Variants in TNS3 observed in about 807,000 individuals in gnomAD.
TNS3 encodes tensin 3.
TNS3 carries 45 observed loss-of-function variants against 140.9 expected under a neutral mutation model. The ratio of observed to expected loss-of-function variants is 0.32; its 90% CI spans 0.25 to 0.41. The LOEUF is 0.41. TNS3 is among the 10% of genes least tolerant of loss of function. The probability of loss-of-function intolerance (pLI) is 1.00; values close to 1 mark genes in which losing one functional copy is unlikely to be tolerated. For missense variants in TNS3, 1,716 were observed against 1,906.7 expected (o/e 0.90, Z 1.86); for synonymous variants, 815 against 788.4 (o/e 1.03, Z -0.56).
At chr7:47,570,297 C>T (rs114583998) in intron 1 of TNS3, among the ~76,000 whole-genome samples, 1,730 of 152,274 alleles carry the variant, frequency 0.011, 33 homozygotes, top group African/African-American at 0.038. Context: ...GGAAACAAAC[C>T]CCACAACACA....
In TNS3 at chr7:47,529,104, G is replaced by A; in HGVS notation, c.-221C>T. 7.8e-7 allele frequency: 1 copy of A among 1,288,720 alleles called. No homozygotes were observed. Among genetic ancestry groups the A allele is most frequent in the Non-Finnish European group, 1.0e-6 (1 of 988,624 alleles). The allele number at this position is 1,288,720 out of a possible 1,614,324, so 79.8% of individuals were successfully genotyped here. A position where few individuals can be genotyped will look rare whatever the true frequency, so the allele number is the denominator to read the frequency against. On this transcript the variant is annotated 5_prime_UTR_variant, in exon 2 of 31. Coordinates refer to ENST00000311160, the MANE Select transcript of TNS3 (RefSeq NM_022748.12). ...TCCACACACTTTGGATTTTTTAAAGGCCTTGTTCTTAAAAGCGTGCAGACT... is the reference window on the plus strand; with the variant it reads ...TCCACACACTTTGGATTTTTTAAAGACCTTGTTCTTAAAAGCGTGCAGACT...
At chr7:47,580,176 C>CGCA (rs1326348435) in intron 1 of TNS3, among the ~76,000 whole-genome samples, 1 of 152,150 alleles carries the variant, frequency 6.6e-6, no homozygotes, top group Non-Finnish European at 1.5e-5. Flanking sequence ...TCGACAGACG[C>CGCA]GCAGCAGCAG....
intron 2 of TNS3, among the ~76,000 whole-genome samples, chr7:47,526,169 G>C (rs1045509435): frequency 6.6e-6 from 1 of 152,178 alleles, no homozygotes; most frequent in African/African-American, 2.4e-5. Context: ...ACAGAATACT[G>C]AAGTATTAAA....
rs778428948 is a variant in TNS3, at chr7:47,280,358, T to C, written c.4098-4A>G. The C allele has an allele frequency of 3.1e-6, 5 of 1,613,936 alleles. No individual in the cohort carries two copies. In the Admixed American group the frequency reaches 5.0e-5, roughly 16 times the overall value. On this transcript the variant is annotated splice_polypyrimidine_tract_variant and splice_region_variant and intron_variant, in intron 28 of 30. Coordinates refer to ENST00000311160, the MANE Select transcript of TNS3 (RefSeq NM_022748.12). ...GTAATGCCTCCGGAAGAAGAGCCTG[T>C]TGGGACATGGGGGAGAGAGGATGGC...
In TNS3 at chr7:47,368,482, C is replaced by T. The variant is rs367961192; in HGVS notation, c.2164G>A (p.Ala722Thr). The T allele has an allele frequency of 3.6e-5, 58 of 1,593,022 alleles. 1 individual carries two copies. In the African/African-American group the frequency reaches 4.8e-4, roughly 13 times the overall value. ...GAGCCATTGGCCTGGCTACCGAGGG[C>T]GTTCATGTGGGTAGGGATGGGCTCG... ...TFEPIPTHMN[A>T]LGSQANGSVS... The change falls in exon 17 of 31, where the codon GCC (alanine) becomes ACC (threonine). Residue 722 changes from alanine (A) to threonine (T), a missense_variant. Around this residue, in one of 3 missense-constraint regions of TNS3, gnomAD observed 1,163 missense variants for 1,182.1 expected, o/e 0.98. Coordinates refer to ENST00000311160, the MANE Select transcript of TNS3 (RefSeq NM_022748.12).
At chr7:47,500,102 C>T (rs6942844) in intron 3 of TNS3, among the ~76,000 whole-genome samples, 53,730 of 152,012 alleles carry the variant, frequency 0.35, 9,836 homozygotes, top group South Asian at 0.5. Flanking sequence ...CACACGCACA[C>T]ACACACACAC....
chr7:47,580,647 C>T lies in TNS3; in HGVS notation c.-265+1404G>A, dbSNP rs145919584. On this transcript the variant is annotated intron_variant, in intron 1 of 30. Coordinates refer to ENST00000311160, the MANE Select transcript of TNS3 (RefSeq NM_022748.12). ...CCCTCAAGGCCTCAGCACAGAAAAG[C>T]CTTTCTTAATACTTGTTGATTGATT... Among the ~76,000 whole-genome samples, 46 of 150,488 alleles carry T rather than the reference C, an allele frequency of 3.1e-4. 1 individual carries two copies. The East Asian group carries it at 8.8e-3, about 29-fold the overall frequency.
At chr7:47,369,801 A>T (rs1299441653) in intron 16 of TNS3, among the ~76,000 whole-genome samples, 180 bp from the exon 17 acceptor site, 1 of 152,254 alleles carries the variant, frequency 6.6e-6, no homozygotes, top group African/African-American at 2.4e-5. Context: ...GGAGGATGCC[A>T]ATGAAAAGGC....
At chr7:47,546,925 C>T (rs1484469327) in intron 1 of TNS3, among the ~76,000 whole-genome samples, 1 of 152,236 alleles carries the variant, frequency 6.6e-6, no homozygotes, top group Non-Finnish European at 1.5e-5. Flanking sequence ...AGACAGACGC[C>T]AGGTTTTAAG....
intron 3 of TNS3, among the ~76,000 whole-genome samples, chr7:47,498,809 G>A (rs931831970): frequency 2.0e-5 from 3 of 152,206 alleles, no homozygotes; most frequent in Admixed American, 1.3e-4. Context: ...GTTTCCTCTG[G>A]TGTAAAGTGG....
Position 47,303,545 on chromosome 7 carries a change from G to A in TNS3, c.2862C>T (p.Pro954=), listed in dbSNP as rs1386316682. 2.5e-6 allele frequency: 4 copies of A among 1,603,110 alleles called. No homozygotes were observed. The highest frequency in any genetic ancestry group is 3.4e-6 in the Non-Finnish European group (4 of 1,178,224). The part of the protein sequence containing the change: ...SAERQWVESS[P]KPMVSLLGSG... ...TCCCCAGCAGGGAAACCATGGGCTTGGGGCTGCTCTCCACCCACTGGCGTT... is the reference window on the plus strand; with the variant it reads ...TCCCCAGCAGGGAAACCATGGGCTTAGGGCTGCTCTCCACCCACTGGCGTT... Residue 954 remains proline, a synonymous_variant, in exon 22 of 31, where the codon CCC becomes CCT. Coordinates refer to ENST00000311160, the MANE Select transcript of TNS3 (RefSeq NM_022748.12).
chr7:47,403,265 T>C (rs952784633), intron 13 of TNS3: 5 of 152,406 alleles, frequency 3.3e-5, no homozygotes, highest in Non-Finnish European at 5.9e-5. Context: ...TCCCTCCACA[T>C]ACCAGAAGGG....
intron 8 of TNS3, among the ~76,000 whole-genome samples, chr7:47,430,887 A>T (rs894541620): frequency 1.3e-5 from 2 of 151,786 alleles, no homozygotes; most frequent in Non-Finnish European, 2.9e-5. Flanking sequence ...CACCCAGCTA[A>T]TTTTTTTGTA....
In TNS3 at chr7:47,297,413, C is replaced by T. The variant is rs190309467; in HGVS notation, c.3545-200G>A. Among the ~76,000 whole-genome samples the T allele has an allele frequency of 3.9e-4, 59 of 152,078 alleles. 1 individual carries two copies. In the East Asian group the frequency reaches 8.7e-3, roughly 22 times the overall value. On this transcript the variant is annotated intron_variant, in intron 23 of 30. Transcript: ENST00000311160. ...ACCTTCAGGGAGGTCTCTGTGGTGT[C>T]GTGTATGTTTCATGGGTGGGCCTGC...
chr7:47,303,141 C>G lies in TNS3; in HGVS notation c.3266G>C (p.Gly1089Ala). 1 of 1,613,970 alleles carries G rather than the reference C, an allele frequency of 6.2e-7. No homozygotes were observed. The highest frequency in any genetic ancestry group is 8.5e-7 in the Non-Finnish European group (1 of 1,179,960). The change falls in exon 22 of 31, where the codon GGT becomes GCT. Residue 1089 changes from glycine (G) to alanine (A), a missense_variant. Gly to Ala is a moderately conservative substitution (Grantham distance 60). Around this residue, in one of 3 missense-constraint regions of TNS3, gnomAD observed 1,163 missense variants for 1,182.1 expected, o/e 0.98. Transcript: ENST00000311160. ...SHHSPGLQGQ[G>A]VTLPGQPPLP... ...GGGTGGCTGCCCGGGCAGGGTCACA[C>G]CCTGGCCCTGCAGGCCTGGACTGTG...
At chr7:47,535,123 T>C (rs1799555172) in intron 1 of TNS3, among the ~76,000 whole-genome samples, 1 of 152,246 alleles carries the variant, frequency 6.6e-6, no homozygotes, top group South Asian at 2.1e-4. Flanking sequence ...ACCAGGCTCT[T>C]TCCCCTTTGT....
chr7:47,392,340 C>T (rs1265082636), intron 16 of TNS3, among the ~76,000 whole-genome samples: 3 of 152,132 alleles, frequency 2.0e-5, no homozygotes, highest in African/African-American at 4.8e-5. Context: ...CAGAATGTTG[C>T]GCTCACACAT....
chr7:47,297,150 C>A lies in TNS3; in HGVS notation c.3608G>T (p.Arg1203Leu). 6.2e-7 allele frequency: 1 copy of A among 1,613,896 alleles called. No individual in the cohort carries two copies. The highest frequency in any genetic ancestry group is 8.5e-7 in the Non-Finnish European group (1 of 1,179,980). ...CTTCATGGCCAGGCCATAGGCCCCT[C>A]GGAAGGAATGGCTGTCTCGAACAAT... ...SFIVRDSHSF[R>L]GAYGLAMKVA... is the part of the protein sequence containing the mutation. Residue 1203 changes from arginine (R) to leucine (L), a missense_variant, in exon 24 of 31, where the codon CGA (arginine) becomes CTA (leucine). Coordinates refer to ENST00000311160, the MANE Select transcript of TNS3 (RefSeq NM_022748.12).
chr7:47,392,120 C>T (rs1163999192), intron 16 of TNS3, among the ~76,000 whole-genome samples: 3 of 152,126 alleles, frequency 2.0e-5, no homozygotes, highest in Non-Finnish European at 4.4e-5. Flanking sequence ...CACTGTGTGC[C>T]GCGAGATATT....
Sources: gnomAD v4.1 joint callset for allele counts (sites outside exome capture counted in the v4.1 genomes callset) on GRCh38, gnomAD v4.1.1 for gene constraint, gnomAD v4.1.1 regional missense constraint, MANE v1.5 for transcripts, NCBI Gene and HGNC (gene_info 2026-07-23, HGNC 2026-07-21) for gene names.